The following GSK3B variants were observed in gnomAD, a reference collection of about 807,000 sequenced individuals.
GSK3B encodes glycogen synthase kinase-3 beta.
GSK3B carries 15 observed loss-of-function variants against 56.4 expected under a neutral mutation model. That is an observed-to-expected ratio of 0.27 (90% confidence interval 0.18 to 0.41). GSK3B has a LOEUF of 0.41. GSK3B is among the 10% of genes least tolerant of loss of function. GSK3B has a pLI of 1.00. For missense variants in GSK3B, 300 were observed against 513.4 expected (o/e 0.58, Z 4.02); for synonymous variants, 181 against 188.9 (o/e 0.96, Z 0.34).
At chr3:119,904,683 A>T (rs1424477208) in intron 7 of GSK3B, among the ~76,000 whole-genome samples, 3 of 152,174 alleles carry the variant, frequency 2.0e-5, no homozygotes, top group African/African-American at 7.2e-5. Context: ...ACTAAATTCA[A>T]GCTGTCCAAT....
At chr3:119,937,562 CT>C (rs1398052786) in intron 3 of GSK3B, among the ~76,000 whole-genome samples, 1 of 151,966 alleles carries the variant, frequency 6.6e-6, no homozygotes, top group Non-Finnish European at 1.5e-5. Flanking sequence ...AGATAATACT[CT>C]TAAACAAGAA....
intron 9 of GSK3B, among the ~76,000 whole-genome samples, chr3:119,853,262 G>C (rs988624618): frequency 2.0e-5 from 3 of 152,136 alleles, no homozygotes; most frequent in Admixed American, 2.0e-4. Flanking sequence ...TGAGGGCTCT[G>C]TTCTGTTCCA....
At position 119,912,798 on chromosome 3, in the gene GSK3B, C is replaced by T. The variant is rs2056748276; in HGVS notation, c.621G>A (p.Leu207=). 6.4e-7 allele frequency: 1 copy of T among 1,570,114 alleles called. No individual in the cohort carries two copies. The highest frequency in any genetic ancestry group is 8.7e-7 in the Non-Finnish European group (1 of 1,146,144). ...KLCDFGSAKQ[L]VRGEPNVSYI... Reference sequence around the variant, plus strand: ...ACGAAACATTGGGTTCTCCTCGGACCAGCTGCTTTGCACTAACAGAAAAAA... The same window carrying T: ...ACGAAACATTGGGTTCTCCTCGGACTAGCTGCTTTGCACTAACAGAAAAAA... Residue 207 remains leucine (L), a synonymous_variant, in exon 6 of 11, where the codon CTG becomes CTA. Transcript: ENST00000264235.
intron 3 of GSK3B, among the ~76,000 whole-genome samples, chr3:119,941,174 C>T (rs1559846095): frequency 6.6e-6 from 1 of 152,002 alleles, no homozygotes; most frequent in African/African-American, 2.4e-5. Flanking sequence ...TGCCATCACA[C>T]CTGGCTAATT....
At chr3:120,022,959 G>T (rs1461225623) in intron 1 of GSK3B, among the ~76,000 whole-genome samples, 1 of 152,186 alleles carries the variant, frequency 6.6e-6, no homozygotes. Context: ...TATTCGCAGT[G>T]TCAAAAGTAG....
In GSK3B at chr3:119,822,444, A is replaced by C. The variant is rs955243444; in HGVS notation, c.*4344T>G. On this transcript the variant is annotated 3_prime_UTR_variant, in exon 11 of 11. Coordinates refer to ENST00000264235, the MANE Select transcript of GSK3B (RefSeq NM_001146156.2). ...GACAGATATAGTTAAGGAAAAAAAA[A>C]CTTAAAAATTAACACAAGGAAGTCT... The C allele has an allele frequency of 6.3e-5, 14 of 220,892 alleles. No individual in the cohort carries two copies. Among genetic ancestry groups the C allele is most frequent in the East Asian group, 2.7e-4 (4 of 14,994 alleles). The allele number at this position is 220,892 out of a possible 1,614,324, so 13.7% of individuals were successfully genotyped here. A position where few individuals can be genotyped will look rare whatever the true frequency, so the allele number is the denominator to read the frequency against.
chr3:119,947,578 T>C (rs555436345), intron 2 of GSK3B, among the ~76,000 whole-genome samples: 25 of 152,240 alleles, frequency 1.6e-4, no homozygotes, highest in African/African-American at 6.0e-4. Flanking sequence ...TGAGAGTGTT[T>C]AGAGCTTTTA....
intron 4 of GSK3B, among the ~76,000 whole-genome samples, chr3:119,921,793 A>G (rs80337140): frequency 0.026 from 3,935 of 152,288 alleles, 174 homozygotes; most frequent in African/African-American, 0.089. Flanking sequence ...CACTAATGAA[A>G]TACCATTTAT....
chr3:119,887,562 G>C (rs1473501447), intron 7 of GSK3B, among the ~76,000 whole-genome samples: 2 of 151,930 alleles, frequency 1.3e-5, no homozygotes, highest in African/African-American at 4.8e-5. Flanking sequence ...CTCAATCACT[G>C]AATTAAAAAA....
chr3:120,079,765 AAATAG>A (rs773796876), intron 1 of GSK3B, among the ~76,000 whole-genome samples: 6 of 152,168 alleles, frequency 3.9e-5, no homozygotes, highest in Non-Finnish European at 8.8e-5. Flanking sequence ...AACTGAATTT[AAATAG>A]AATTATACCT....
chr3:119,995,729 C>A (rs2057610168), intron 2 of GSK3B, among the ~76,000 whole-genome samples: 1 of 145,738 alleles, frequency 6.9e-6, no homozygotes, highest in Non-Finnish European at 1.5e-5. Context: ...CGGCCTAAGC[C>A]TGAAATAATT....
intron 4 of GSK3B, among the ~76,000 whole-genome samples, chr3:119,922,228 GGGAAGGAA>G (rs539984482): frequency 0.02 from 1,223 of 61,438 alleles, 13 homozygotes; most frequent in Non-Finnish European, 0.025. Flanking sequence ...GAAGGAAGGA[GGGAAGGAA>G]GGAAGGAAGG....
intron 4 of GSK3B, among the ~76,000 whole-genome samples, chr3:119,918,300 C>A (rs1312757725): frequency 6.6e-6 from 1 of 151,616 alleles, no homozygotes; most frequent in Non-Finnish European, 1.5e-5. Flanking sequence ...TGGTGAAACC[C>A]CGTCTCTACT....
At chr3:120,032,253 G>A (rs1217736586) in intron 1 of GSK3B, among the ~76,000 whole-genome samples, 1 of 152,138 alleles carries the variant, frequency 6.6e-6, no homozygotes, top group Non-Finnish European at 1.5e-5. Context: ...GAGGCAGGCG[G>A]ATCACAAGGT....
Position 119,955,860 on chromosome 3 carries a change from C to T in GSK3B, c.283-8509G>A, listed in dbSNP as rs1056594152. On this transcript the variant is annotated intron_variant, in intron 2 of 10. Coordinates refer to ENST00000264235, the MANE Select transcript of GSK3B (RefSeq NM_001146156.2). The stretch of plus-strand genomic sequence containing the variant: ...TAGAGATGGGTTTTCACCATGTTGG[C>T]CAGGCTGGTCTCGAACTCCTGACCT... Among the ~76,000 whole-genome samples, 10 of 152,082 alleles carry T rather than the reference C, an allele frequency of 6.6e-5. 1 individual carries two copies. The highest frequency in any genetic ancestry group is 1.2e-4 in the Non-Finnish European group (8 of 68,016).
intron 1 of GSK3B, among the ~76,000 whole-genome samples, chr3:120,007,517 A>T (rs2057739935): frequency 6.6e-6 from 1 of 152,208 alleles, no homozygotes; most frequent in African/African-American, 2.4e-5. Flanking sequence ...GAAAATCCTC[A>T]ATGAAATACT....
chr3:119,862,730 C>T (rs1377230426), intron 9 of GSK3B, among the ~76,000 whole-genome samples: 1 of 131,462 alleles, frequency 7.6e-6, no homozygotes, highest in Non-Finnish European at 1.5e-5. Context: ...ATAAGAAAGT[C>T]ACATCAGCAG....
chr3:119,964,631 G>A (rs554810979), intron 2 of GSK3B, among the ~76,000 whole-genome samples: 3 of 152,102 alleles, frequency 2.0e-5, no homozygotes, highest in Admixed American at 6.5e-5. Flanking sequence ...GTTGTTCAAC[G>A]GTATAAAGTT....
At chr3:119,863,240 C>A (rs1312493903) in intron 9 of GSK3B, among the ~76,000 whole-genome samples, 179 bp downstream of exon 9, 1 of 152,226 alleles carries the variant, frequency 6.6e-6, no homozygotes, top group African/African-American at 2.4e-5. Flanking sequence ...ACGTGCTACT[C>A]TTCTGTTCAA....
Sources: gnomAD v4.1 joint callset for allele counts (sites outside exome capture counted in the v4.1 genomes callset) on GRCh38, gnomAD v4.1.1 for gene constraint, MANE v1.5 for transcripts, NCBI Gene and HGNC (gene_info 2026-07-23, HGNC 2026-07-21) for gene names.